The following PEX14 variants were observed in gnomAD, a reference collection of about 807,000 sequenced individuals.
The protein encoded by PEX14 is peroxisomal biogenesis factor 14.
PEX14 carries 15 observed loss-of-function variants against 49.5 expected under a neutral mutation model. The ratio of observed to expected loss-of-function variants is 0.30; its 90% CI spans 0.20 to 0.47. The LOEUF (loss-of-function observed/expected upper bound fraction) is 0.47. Among genes scored for constraint, PEX14 ranks in the 20% least tolerant of loss-of-function variants. The probability of loss-of-function intolerance (pLI) is 1.00; values close to 1 mark genes in which losing one functional copy is unlikely to be tolerated. For synonymous variants in PEX14, 210 were observed against 212.7 expected (o/e 0.99, Z 0.11); for missense variants, 398 against 494.8 (o/e 0.80, Z 1.86).
At chr1:10,481,823 CTTTTTTTTTT>C (rs34612970) in intron 1 of PEX14, among the ~76,000 whole-genome samples, 2 of 116,710 alleles carry the variant, frequency 1.7e-5, no homozygotes, top group African/African-American at 6.4e-5. Flanking sequence ...CCATTCTACT[CTTTTTTTTTT>C]TTTTTTTTGA....
At chr1:10,538,522 G>A (rs566890975) in intron 3 of PEX14, among the ~76,000 whole-genome samples, 4 of 152,302 alleles carry the variant, frequency 2.6e-5, no homozygotes, top group Admixed American at 1.3e-4. Context: ...ATCCATTTCC[G>A]AGTTGAATCC....
intron 1 of PEX14, among the ~76,000 whole-genome samples, chr1:10,490,868 A>G (rs184219256): frequency 6.6e-6 from 1 of 151,636 alleles, no homozygotes; most frequent in Non-Finnish European, 1.5e-5. Flanking sequence ...ATGCGTGGCA[A>G]ATTTTTGTAT....
chr1:10,607,402 C>T (rs1464296630), intron 4 of PEX14, among the ~76,000 whole-genome samples: 1 of 152,152 alleles, frequency 6.6e-6, no homozygotes, highest in Non-Finnish European at 1.5e-5. Flanking sequence ...TGGGTGAGCG[C>T]CTAGAAGTAG....
chr1:10,520,153 T>TTTTTTTTTTTTTTTTTTG (rs754714815), intron 2 of PEX14, among the ~76,000 whole-genome samples: 1 of 91,910 alleles, frequency 1.1e-5, no homozygotes, highest in Non-Finnish European at 2.4e-5. Context: ...TTCTTCTTTT[T>TTTTTTTTTTTTTTTTTTG]TTTTTTTTTG....
intron 2 of PEX14, among the ~76,000 whole-genome samples, chr1:10,496,358 C>T (rs1451799405): frequency 6.6e-6 from 1 of 152,144 alleles, no homozygotes; most frequent in Non-Finnish European, 1.5e-5. Context: ...CCTCGTTTCA[C>T]TCTTTTGGTA....
At chr1:10,616,554 G>GCCTTCCCC (rs1385302496) in intron 4 of PEX14, among the ~76,000 whole-genome samples, 12 of 152,130 alleles carry the variant, frequency 7.9e-5, no homozygotes, top group African/African-American at 2.9e-4. Context: ...TGCTGTGATC[G>GCCTTCCCC]CCTTCCCCGC....
intron 3 of PEX14, among the ~76,000 whole-genome samples, chr1:10,556,154 G>A (rs1399027957): frequency 6.6e-6 from 1 of 152,148 alleles, no homozygotes; most frequent in Admixed American, 6.5e-5. Flanking sequence ...GCTGGGATGA[G>A]GGGTTGGGAT....
rs577243251 is a variant in PEX14 at position 10,482,289 on chromosome 1, T to C, written c.36+7287T>C. 4.1e-5 allele frequency among the ~76,000 whole-genome samples: 6 copies of C among 147,900 alleles called. No individual in the cohort carries two copies. The South Asian group carries it at 6.5e-4, about 16-fold the overall frequency. ...GATTATAGGCACTGGCCACCATGCC[T>C]GGCTAATTTTTGTGTTTTTAGTAGA... On this transcript the variant is annotated intron_variant, in intron 1 of 8. Coordinates refer to ENST00000356607, the MANE Select transcript of PEX14 (RefSeq NM_004565.3).
At chr1:10,598,572 G>A (rs1640893010) in intron 3 of PEX14, among the ~76,000 whole-genome samples, 1 of 152,168 alleles carries the variant, frequency 6.6e-6, no homozygotes, top group African/African-American at 2.4e-5. Flanking sequence ...TTTCAAGAAG[G>A]GAAAAGAAAA....
chr1:10,481,199 G>A (rs1641278420), intron 1 of PEX14, among the ~76,000 whole-genome samples: 1 of 147,918 alleles, frequency 6.8e-6, no homozygotes, highest in Non-Finnish European at 1.5e-5. Context: ...GTGCAGTGGT[G>A]CAATCTTGGC....
chr1:10,505,331 C>T (rs1641763130), intron 2 of PEX14, among the ~76,000 whole-genome samples: 1 of 151,966 alleles, frequency 6.6e-6, no homozygotes, highest in African/African-American at 2.4e-5. Flanking sequence ...ATTAGTGGGA[C>T]ATGTGGCTCG....
At chr1:10,618,662 T>C (rs1455071997) in intron 5 of PEX14, among the ~76,000 whole-genome samples, 3 of 152,228 alleles carry the variant, frequency 2.0e-5, no homozygotes, top group Admixed American at 6.5e-5. Flanking sequence ...AGATCTCCAC[T>C]TGCAGGGGCG....
At chr1:10,534,430 T>C (rs1638739316) in intron 2 of PEX14, among the ~76,000 whole-genome samples, 1 of 152,084 alleles carries the variant, frequency 6.6e-6, no homozygotes, top group Non-Finnish European at 1.5e-5. Context: ...ACTGTTGCCT[T>C]CTTCTCCCCA....
chr1:10,593,009 G>A (rs575440054), intron 3 of PEX14, among the ~76,000 whole-genome samples: 16 of 152,270 alleles, frequency 1.1e-4, no homozygotes, highest in African/African-American at 3.4e-4. Flanking sequence ...TTTAGGCTTC[G>A]AGTGGAACAA....
At chr1:10,491,521 C>G (rs893466912) in intron 1 of PEX14, among the ~76,000 whole-genome samples, 9 of 151,948 alleles carry the variant, frequency 5.9e-5, no homozygotes, top group Admixed American at 5.9e-4. Context: ...GATGCACCAC[C>G]ACACCCGGCT....
chr1:10,492,813 C>G (rs1474651383), intron 1 of PEX14, among the ~76,000 whole-genome samples: 1 of 152,222 alleles, frequency 6.6e-6, no homozygotes, highest in Admixed American at 6.5e-5. Flanking sequence ...CAAACACAGG[C>G]AGTTTCTGCA....
intron 3 of PEX14, among the ~76,000 whole-genome samples, chr1:10,555,078 C>T (rs148179621): frequency 5.3e-5 from 8 of 152,186 alleles, no homozygotes; most frequent in South Asian, 4.1e-4. Flanking sequence ...CTGGCCATCG[C>T]GGGAACACAT....
At position 10,486,679 on chromosome 1, in the gene PEX14, G is replaced by A. The variant is rs545985342; in HGVS notation, c.37-8595G>A. On this transcript the variant is annotated intron_variant, in intron 1 of 8. Coordinates refer to ENST00000356607, the MANE Select transcript of PEX14 (RefSeq NM_004565.3). ...CACTACAGGCTGGCTGAAAGATGGAGACTCTGTCTCTTTTTTTTTTTTTTT... is the reference window on the plus strand; with the variant it reads ...CACTACAGGCTGGCTGAAAGATGGAAACTCTGTCTCTTTTTTTTTTTTTTT... Among the ~76,000 whole-genome samples, 9 of 142,418 alleles carry A rather than the reference G, an allele frequency of 6.3e-5. No homozygotes were observed. In the East Asian group the frequency reaches 8.7e-4, roughly 14 times the overall value. The allele number at this position is 142,418 out of a possible 152,430, so 93.4% of individuals were successfully genotyped here.
At chr1:10,610,396 CACAT>C (rs1488703541) in intron 4 of PEX14, among the ~76,000 whole-genome samples, 5 of 129,250 alleles carry the variant, frequency 3.9e-5, no homozygotes, top group Admixed American at 9.0e-5. Context: ...CACACACACA[CACAT>C]ATATATATAC....
Sources: gnomAD v4.1 joint callset for allele counts (sites outside exome capture counted in the v4.1 genomes callset) on GRCh38, gnomAD v4.1.1 for gene constraint, MANE v1.5 for transcripts, NCBI Gene and HGNC (gene_info 2026-07-23, HGNC 2026-07-21) for gene names.